FAM193A: variants seen among roughly 807,000 people sequenced by gnomAD.
The protein encoded by FAM193A is protein FAM193A.
Under a neutral mutation model 126.5 loss-of-function variants are expected in FAM193A, and 22 were observed. The observed-to-expected ratio is 0.17, with a 90% confidence interval of 0.12 to 0.25. The LOEUF (loss-of-function observed/expected upper bound fraction) is 0.25, where lower values mean the gene tolerates loss of function less well. Among genes scored for constraint, FAM193A ranks in the 10% least tolerant of loss-of-function variants. The probability of loss-of-function intolerance (pLI) is 1.00; values close to 1 mark genes in which losing one functional copy is unlikely to be tolerated. For synonymous variants in FAM193A, 761 were observed against 646.8 expected, an observed-to-expected ratio of 1.18 and a Z score of -2.68; for missense variants, 1,675 against 1,672.8, an observed-to-expected ratio of 1.00 and a Z score of -0.02.
intron 2 of FAM193A, among the ~76,000 whole-genome samples, chr4:2,621,348 C>T (rs1742534116): frequency 6.6e-6 from 1 of 152,144 alleles, no homozygotes; most frequent in African/African-American, 2.4e-5. Flanking sequence ...CAACCAGCCT[C>T]CCTCAGTAGG....
chr4:2,622,376 C>T (rs1742606321), intron 2 of FAM193A, among the ~76,000 whole-genome samples: 1 of 151,772 alleles, frequency 6.6e-6, no homozygotes, highest in South Asian at 2.1e-4. Flanking sequence ...GGTGTATGTC[C>T]TGCTTCCTTA....
At chr4:2,599,317 G>C (rs1741057572) in intron 2 of FAM193A, among the ~76,000 whole-genome samples, 1 of 151,884 alleles carries the variant, frequency 6.6e-6, no homozygotes, top group African/African-American at 2.4e-5. Context: ...AGGGGCTGCT[G>C]CACTTTGTTG....
chr4:2,569,277 T>C (rs1739155537), intron 1 of FAM193A, among the ~76,000 whole-genome samples: 1 of 152,034 alleles, frequency 6.6e-6, no homozygotes, highest in African/African-American at 2.4e-5. Flanking sequence ...CAGATTCTTG[T>C]GTAGAGCCAG....
chr4:2,647,498 G>A (rs1430493159), intron 7 of FAM193A, among the ~76,000 whole-genome samples: 1 of 152,126 alleles, frequency 6.6e-6, no homozygotes, highest in East Asian at 1.9e-4. Context: ...CTCTGCTGTT[G>A]AGAGCTCATT....
chr4:2,701,283 G>GC (rs1491426009), intron 19 of FAM193A, among the ~76,000 whole-genome samples: 2 of 125,676 alleles, frequency 1.6e-5, no homozygotes, highest in African/African-American at 6.0e-5. Flanking sequence ...ATCCTTTATA[G>GC]CAAAAAAAAA....
chr4:2,670,849 A>AT (rs1426578788), intron 12 of FAM193A, among the ~76,000 whole-genome samples: 1 of 151,950 alleles, frequency 6.6e-6, no homozygotes, highest in Non-Finnish European at 1.5e-5. Context: ...TTGCATTATC[A>AT]TTTTTTCCCT....
intron 13 of FAM193A, among the ~76,000 whole-genome samples, chr4:2,674,303 CATCTGTGCCTAA>C (rs1456001205): frequency 6.6e-6 from 1 of 152,244 alleles, no homozygotes; most frequent in Admixed American, 6.5e-5. Flanking sequence ...CTGTTGACCA[CATCTGTGCCTAA>C]ATGCATAATG....
intron 1 of FAM193A, among the ~76,000 whole-genome samples, chr4:2,578,917 G>A (rs1226130707): frequency 6.6e-6 from 1 of 152,046 alleles, no homozygotes; most frequent in Non-Finnish European, 1.5e-5. Context: ...TGGTCTTGCT[G>A]TTTCAGGGGT....
Position 2,700,530 on chromosome 4 carries a change from T to C in FAM193A, c.4358T>C (p.Val1453Ala), listed in dbSNP as rs2109311341. Reference protein sequence around the residue: ...KKNKKKKGDRVNNSIDDVFLP... With the variant: ...KKNKKKKGDRANNSIDDVFLP... ...AATAAGAAGAAGAAAGGAGACAGAG[T>C]CAACAATTCAATTGGTAAATACAGA... is the stretch of plus-strand genomic sequence containing the variant. Residue 1453 changes from valine (V) to alanine (A), a missense_variant, in exon 19 of 21, where the codon GTC (valine) becomes GCC (alanine). Coordinates refer to ENST00000637812, the MANE Select transcript of FAM193A (RefSeq NM_001366318.2). 1 of 1,610,124 alleles carries C rather than the reference T, an allele frequency of 6.2e-7. No homozygotes were observed. Among genetic ancestry groups the C allele is most frequent in the Non-Finnish European group, 8.5e-7 (1 of 1,178,812 alleles).
At chr4:2,689,431 G>A in intron 13 of FAM193A, 75 bp from the exon 14 acceptor site, 3 of 1,081,658 alleles carry the variant, frequency 2.8e-6, no homozygotes, top group Non-Finnish European at 4.0e-6. Context: ...TGAATTGTCT[G>A]TCTGTAGTTT....
intron 5 of FAM193A, among the ~76,000 whole-genome samples, chr4:2,635,880 A>T (rs1560504742): frequency 6.6e-6 from 1 of 152,116 alleles, no homozygotes. Flanking sequence ...ACCTCTCCAG[A>T]TCTCTCTGTA....
intron 2 of FAM193A, among the ~76,000 whole-genome samples, chr4:2,617,894 G>A (rs1013776982): frequency 6.6e-6 from 1 of 152,132 alleles, no homozygotes; most frequent in Non-Finnish European, 1.5e-5. Flanking sequence ...CATGTGTGGT[G>A]CTCTCCATTC....
Position 2,554,951 on chromosome 4 carries a change from A to G in FAM193A, c.255+17781A>G, listed in dbSNP as rs188242580. On this transcript the variant is annotated intron_variant, in intron 1 of 20. Coordinates refer to ENST00000637812, the MANE Select transcript of FAM193A (RefSeq NM_001366318.2). ...TTTTCTATCTTTTTGCTTTAAACCT[A>G]TCTATATTATTTGAAATGAATTTCC... 7.2e-4 allele frequency among the ~76,000 whole-genome samples: 109 copies of G among 152,172 alleles called. 1 individual carries two copies. The highest frequency in any genetic ancestry group is 5.3e-3 in the Admixed American group (81 of 15,260).
chr4:2,560,698 T>G (rs892037743), intron 1 of FAM193A, among the ~76,000 whole-genome samples: 1 of 152,232 alleles, frequency 6.6e-6, no homozygotes, highest in Non-Finnish European at 1.5e-5. Context: ...ATCTTGAGGC[T>G]TCTGCAAAAC....
intron 1 of FAM193A, among the ~76,000 whole-genome samples, chr4:2,549,177 G>T (rs1411597057): frequency 6.6e-6 from 1 of 151,704 alleles, no homozygotes; most frequent in Non-Finnish European, 1.5e-5. Context: ...GACCTTAAGT[G>T]ATGGGCCCAC....
chr4:2,630,153 A>G (rs577240963), intron 4 of FAM193A, among the ~76,000 whole-genome samples: 1 of 151,122 alleles, frequency 6.6e-6, no homozygotes, highest in Non-Finnish European at 1.5e-5. Flanking sequence ...AAAAATGTGG[A>G]TTATCATACA....
chr4:2,552,307 G>A (rs34251239), intron 1 of FAM193A, among the ~76,000 whole-genome samples: 4,894 of 28,294 alleles, frequency 0.17, 121 homozygotes, highest in Non-Finnish European at 0.23. Flanking sequence ...CACCGCGCCC[G>A]GCTGATTTTT....
rs1428698142 is a variant in FAM193A, at chr4:2,563,862, A to C, written c.255+26692A>C. 1.1e-3 allele frequency among the ~76,000 whole-genome samples: 164 copies of C among 152,228 alleles called. 2 individuals carry two copies. Among genetic ancestry groups the C allele is most frequent in the Non-Finnish European group, 3.1e-4 (21 of 68,040 alleles). ...TCACATTCACCAAAATATTTTAAGC[A>C]TTCATAAGAGAAACATCACCTATAA... On this transcript the variant is annotated intron_variant, in intron 1 of 20. Coordinates refer to ENST00000637812, the MANE Select transcript of FAM193A (RefSeq NM_001366318.2).
Position 2,662,837 on chromosome 4 carries a change from G to T in FAM193A, c.1746-1G>T. ...ACAGTGACCATCTCTGCTTGTGTCA[G>T]TTGTAGTGATGATGAAGATGTTGCA... On this transcript the variant is annotated splice_acceptor_variant, in intron 10 of 20. Transcript: ENST00000637812. LOFTEE classifies it high-confidence loss of function. 6.2e-7 allele frequency: 1 copy of T among 1,607,672 alleles called. No individual in the cohort carries two copies. The highest frequency in any genetic ancestry group is 8.5e-7 in the Non-Finnish European group (1 of 1,174,510).
Sources: allele counts gnomAD v4.1 joint callset (sites outside exome capture counted in the v4.1 genomes callset), GRCh38; gene constraint gnomAD v4.1.1; transcripts MANE v1.5; gene names NCBI Gene and HGNC (gene_info 2026-07-23, HGNC 2026-07-21).